BTBD9: variants seen among roughly 807,000 people sequenced by gnomAD.
The protein encoded by BTBD9 is BTB/POZ domain-containing protein 9.
A neutral mutation model predicts 64.3 loss-of-function variants in BTBD9; 49 were observed. The ratio of observed to expected loss-of-function variants is 0.76; its 90% CI spans 0.61 to 0.97. BTBD9 has a LOEUF of 0.97. Among genes scored for constraint, BTBD9 ranks in the 50% least tolerant of loss-of-function variants. The pLI is 0.00. For synonymous variants in BTBD9, 260 were observed against 274.7 expected (o/e 0.95, Z 0.53); for missense variants, 598 against 762.1 (o/e 0.78, Z 2.53).
chr6:38,378,405 G>A (rs536847012), intron 6 of BTBD9, among the ~76,000 whole-genome samples: 2 of 151,500 alleles, frequency 1.3e-5, no homozygotes, highest in African/African-American at 4.8e-5. Flanking sequence ...CACCATACCT[G>A]GGTAATTTTC....
intron 6 of BTBD9, among the ~76,000 whole-genome samples, chr6:38,540,841 A>G (rs1312769247): frequency 6.6e-6 from 1 of 152,244 alleles, no homozygotes; most frequent in Non-Finnish European, 1.5e-5. Flanking sequence ...ATTTTTTAAA[A>G]ACATAAAATC....
intron 9 of BTBD9, among the ~76,000 whole-genome samples, chr6:38,240,844 T>C (rs897748447): frequency 6.6e-6 from 1 of 152,164 alleles, no homozygotes; most frequent in African/African-American, 2.4e-5. Context: ...CAATTGAGGC[T>C]TTCAATTAGC....
At chr6:38,616,794 G>A (rs1777806895) in intron 1 of BTBD9, among the ~76,000 whole-genome samples, 1 of 152,114 alleles carries the variant, frequency 6.6e-6, no homozygotes, top group Non-Finnish European at 1.5e-5. Flanking sequence ...TCCACGCTGT[G>A]GAAGCTTTGT....
At chr6:38,304,475 G>A (rs1762547167) in intron 7 of BTBD9, among the ~76,000 whole-genome samples, 1 of 151,964 alleles carries the variant, frequency 6.6e-6, no homozygotes, top group African/African-American at 2.4e-5. Flanking sequence ...GAATCCGGGA[G>A]GCAGAAGTTG....
intron 8 of BTBD9, among the ~76,000 whole-genome samples, chr6:38,282,605 G>A (rs528693240): frequency 6.6e-6 from 1 of 152,232 alleles, no homozygotes; most frequent in South Asian, 2.1e-4. Flanking sequence ...AACATCTCAG[G>A]CTGTCACCTC....
chr6:38,615,134 GCTT>G, intron 1 of BTBD9, among the ~76,000 whole-genome samples: 1 of 152,314 alleles, frequency 6.6e-6, no homozygotes, highest in Admixed American at 6.5e-5. Flanking sequence ...TTGGGACCAT[GCTT>G]CTTCTTTTCA....
At chr6:38,375,734 C>T (rs1388732253) in intron 6 of BTBD9, among the ~76,000 whole-genome samples, 1 of 152,076 alleles carries the variant, frequency 6.6e-6, no homozygotes, top group Non-Finnish European at 1.5e-5. Context: ...GAAGGATAAA[C>T]ACACAAACAC....
At chr6:38,248,915 A>C (rs756745411) in intron 9 of BTBD9, among the ~76,000 whole-genome samples, 2 of 152,218 alleles carry the variant, frequency 1.3e-5, no homozygotes, top group African/African-American at 2.4e-5. Context: ...TCCATACCGA[A>C]GCAAACTGAG....
chr6:38,526,628 G>A (rs903498434), intron 6 of BTBD9, among the ~76,000 whole-genome samples: 8 of 152,230 alleles, frequency 5.3e-5, no homozygotes, highest in African/African-American at 1.7e-4. Context: ...AAGACTGTGG[G>A]AGTGCACCCC....
intron 1 of BTBD9, among the ~76,000 whole-genome samples, chr6:38,620,542 A>G (rs1312893143): frequency 6.6e-6 from 1 of 152,154 alleles, no homozygotes; most frequent in African/African-American, 2.4e-5. Flanking sequence ...TGGATGATTT[A>G]CTTTTGGCTA....
At chr6:38,502,464 T>C (rs1235616834) in intron 6 of BTBD9, among the ~76,000 whole-genome samples, 1 of 152,224 alleles carries the variant, frequency 6.6e-6, no homozygotes, top group African/African-American at 2.4e-5. Flanking sequence ...CCTCCTACCA[T>C]GTTCAAATCA....
At chr6:38,208,181 C>G (rs1011382706) in intron 9 of BTBD9, among the ~76,000 whole-genome samples, 6 of 152,262 alleles carry the variant, frequency 3.9e-5, no homozygotes, top group Non-Finnish European at 8.8e-5. Flanking sequence ...ACTGAGCTTA[C>G]GGCAGTGACG....
At chr6:38,454,999 T>G (rs1769731570) in intron 6 of BTBD9, among the ~76,000 whole-genome samples, 1 of 152,110 alleles carries the variant, frequency 6.6e-6, no homozygotes, top group South Asian at 2.1e-4. Context: ...GAAAGAAGAA[T>G]AAAACTGATT....
At chr6:38,413,449 C>T (rs1767524975) in intron 6 of BTBD9, among the ~76,000 whole-genome samples, 1 of 152,186 alleles carries the variant, frequency 6.6e-6, no homozygotes, top group South Asian at 2.1e-4. Context: ...TTTCCTTACA[C>T]TGTATAGGCC....
At chr6:38,490,559 A>T (rs1179865307) in intron 6 of BTBD9, among the ~76,000 whole-genome samples, 1 of 152,058 alleles carries the variant, frequency 6.6e-6, no homozygotes, top group Non-Finnish European at 1.5e-5. Context: ...ACCTCAGGTG[A>T]TCCACCCGCC....
intron 6 of BTBD9, chr6:38,481,594 T>G (rs923982862): frequency 6.6e-6 from 1 of 152,182 alleles, no homozygotes; most frequent in Non-Finnish European, 1.5e-5. Flanking sequence ...GAGGGGCCAG[T>G]GCCTGCCTCC....
chr6:38,520,217 G>GCTGAGGTGGGTAGATAAC (rs1228711961), intron 6 of BTBD9, among the ~76,000 whole-genome samples: 1 of 152,108 alleles, frequency 6.6e-6, no homozygotes, highest in Admixed American at 6.5e-5. Context: ...ACTTTGGGAG[G>GCTGAGGTGGGTAGATAAC]CTGAGGTGGG....
chr6:38,262,400 A>T (rs1764823162), intron 8 of BTBD9, among the ~76,000 whole-genome samples: 1 of 152,038 alleles, frequency 6.6e-6, no homozygotes, highest in Admixed American at 6.6e-5. Context: ...TGGTGATATT[A>T]TATATGTTGT....
chr6:38,298,470 C>G, intron 7 of BTBD9, among the ~76,000 whole-genome samples: 1 of 152,224 alleles, frequency 6.6e-6, no homozygotes, highest in East Asian at 1.9e-4. Context: ...GAGTATCCCT[C>G]GCCTCAAGTA....
Sources: gnomAD v4.1 joint callset for allele counts (sites outside exome capture counted in the v4.1 genomes callset) on GRCh38, gnomAD v4.1.1 for gene constraint, MANE v1.5 for transcripts, NCBI Gene and HGNC (gene_info 2026-07-23, HGNC 2026-07-21) for gene names.